The following GRIN2A variants were observed in gnomAD, a reference collection of about 807,000 sequenced individuals.
GRIN2A encodes glutamate receptor ionotropic, NMDA 2A.
A neutral mutation model predicts 113.4 loss-of-function variants in GRIN2A; 22 were observed. The ratio of observed to expected loss-of-function variants is 0.19; its 90% confidence interval spans 0.14 to 0.28. The LOEUF (loss-of-function observed/expected upper bound fraction) is 0.28. Among genes scored for constraint, GRIN2A ranks in the 10% least tolerant of loss-of-function variants. The pLI, the probability that GRIN2A is intolerant of heterozygous loss-of-function variation, is 1.00. For synonymous variants in GRIN2A, 827 were observed against 738.4 expected, an observed-to-expected ratio of 1.12 and a Z score of -1.94; for missense variants, 1,502 against 1,887.0, an observed-to-expected ratio of 0.80 and a Z score of 3.78.
intron 2 of GRIN2A, among the ~76,000 whole-genome samples, chr16:10,129,201 A>C (rs771413984): frequency 6.6e-6 from 1 of 151,982 alleles, no homozygotes; most frequent in African/African-American, 2.4e-5. Context: ...TCAGCTTCCT[A>C]TGTAGCTGGG....
chr16:10,163,830 C>T (rs2049854257), intron 2 of GRIN2A, among the ~76,000 whole-genome samples: 1 of 152,176 alleles, frequency 6.6e-6, no homozygotes, highest in Non-Finnish European at 1.5e-5. Context: ...TTTTACTGCC[C>T]CCTGCCACCT....
At chr16:9,803,406 A>G (rs1054596364) in intron 10 of GRIN2A, among the ~76,000 whole-genome samples, 14 of 149,848 alleles carry the variant, frequency 9.3e-5, no homozygotes, top group African/African-American at 3.4e-4. Flanking sequence ...CAAGAGCAAA[A>G]CTCCATCTCA....
intron 2 of GRIN2A, among the ~76,000 whole-genome samples, chr16:10,075,012 A>C (rs981151366): frequency 6.6e-6 from 1 of 152,184 alleles, no homozygotes. Context: ...CCAATGAAGG[A>C]GTTTCCATTA....
rs556554788 is a variant in GRIN2A at position 9,809,573 on chromosome 16, G to C, written c.2169-11109C>G. Among the ~76,000 whole-genome samples the C allele has an allele frequency of 2.4e-4, 36 of 151,838 alleles. 1 individual carries two copies. The East Asian group carries it at 6.8e-3, about 29-fold the overall frequency. On this transcript the variant is annotated intron_variant, in intron 10 of 12. Coordinates refer to ENST00000330684, the MANE Select transcript of GRIN2A (RefSeq NM_001134407.3). ...TTCATTTTTTTTTTTTTACAATGAG[G>C]ATACATTTTTTAATGAGAAGCAATA... is the stretch of plus-strand genomic sequence containing the variant.
chr16:10,163,054 C>T (rs971693818), intron 2 of GRIN2A, among the ~76,000 whole-genome samples: 13 of 152,200 alleles, frequency 8.5e-5, no homozygotes, highest in Non-Finnish European at 4.4e-5. Flanking sequence ...TTTTATGCTT[C>T]TGCAAATGAG....
chr16:10,155,212 G>A (rs1435046070), intron 2 of GRIN2A, among the ~76,000 whole-genome samples: 1 of 152,228 alleles, frequency 6.6e-6, no homozygotes, highest in Non-Finnish European at 1.5e-5. Flanking sequence ...GTCAGCAGGG[G>A]TCAGAAATCA....
At chr16:9,930,019 G>A (rs781685024) in intron 3 of GRIN2A, among the ~76,000 whole-genome samples, 7 of 152,136 alleles carry the variant, frequency 4.6e-5, no homozygotes, top group Non-Finnish European at 1.0e-4. Flanking sequence ...GCATTGCAGG[G>A]CTGGCATACG....
chr16:10,071,220 G>A (rs2047744091), intron 2 of GRIN2A, among the ~76,000 whole-genome samples: 1 of 152,202 alleles, frequency 6.6e-6, no homozygotes, highest in South Asian at 2.1e-4. Context: ...TATAAAGGTA[G>A]AATCATGCAG....
chr16:10,147,767 A>G (rs2049476446), intron 2 of GRIN2A, among the ~76,000 whole-genome samples: 1 of 152,116 alleles, frequency 6.6e-6, no homozygotes, highest in African/African-American at 2.4e-5. Context: ...CCCTTATGTG[A>G]CCTCGTGTCC....
chr16:10,102,214 A>G (rs1368927095), intron 2 of GRIN2A, among the ~76,000 whole-genome samples: 1 of 152,280 alleles, frequency 6.6e-6, no homozygotes, highest in East Asian at 1.9e-4. Flanking sequence ...GCGGGAGGCC[A>G]TTAGATCATG....
intron 2 of GRIN2A, 30 bp downstream of exon 2, chr16:10,179,968 T>A (rs766268713): frequency 1.9e-6 from 3 of 1,541,556 alleles, no homozygotes; most frequent in South Asian, 1.1e-5. Context: ...GCTTCCCAGG[T>A]CCTGGCAGGG....
At chr16:9,907,912 CCCTCGCTGCGTGCCCT>C (rs1399486188) in intron 3 of GRIN2A, among the ~76,000 whole-genome samples, 1 of 152,212 alleles carries the variant, frequency 6.6e-6, no homozygotes, top group Admixed American at 6.5e-5. Context: ...CATGTCTGAG[CCCTCGCTGCGTGCCCT>C]CACCCCTGCA....
intron 3 of GRIN2A, among the ~76,000 whole-genome samples, chr16:9,892,933 G>GAAAAAAAAAAAAAAAA (rs57666918): frequency 1.0e-5 from 1 of 96,588 alleles, no homozygotes; most frequent in Non-Finnish European, 2.2e-5. Flanking sequence ...GCTAAAAAGT[G>GAAAAAAAAAAAAAAAA]AAAAAAAAAA....
At chr16:9,928,250 C>T (rs534778347) in intron 3 of GRIN2A, among the ~76,000 whole-genome samples, 1 of 152,270 alleles carries the variant, frequency 6.6e-6, no homozygotes, top group East Asian at 1.9e-4. Flanking sequence ...AGGCAGAGAA[C>T]AGGTGGAGAG....
chr16:10,018,721 G>A (rs1596423847), intron 2 of GRIN2A, among the ~76,000 whole-genome samples: 1 of 152,136 alleles, frequency 6.6e-6, no homozygotes, highest in Non-Finnish European at 1.5e-5. Context: ...CACACACCGT[G>A]CACCCCAGCT....
intron 2 of GRIN2A, chr16:10,179,659 C>G (rs1410912537): frequency 2.4e-6 from 1 of 415,774 alleles, no homozygotes. Context: ...CTGGGCCCAC[C>G]TCTGTGCCCC....
In GRIN2A at chr16:9,982,193, C is replaced by A. The variant is rs2045904219; in HGVS notation, c.415-43642G>T. 1.3e-5 allele frequency among the ~76,000 whole-genome samples: 2 copies of A among 152,154 alleles called. 1 individual carries two copies. Among genetic ancestry groups the A allele is most frequent in the South Asian group, 4.1e-4 (2 of 4,824 alleles). On this transcript the variant is annotated intron_variant, in intron 2 of 12. Transcript: ENST00000330684. Reference sequence around the variant, plus strand: ...TAGTCTGGATTTTGCTGATGACATGCCCATGATGTCATCTAACAGGCTTAT... The same window carrying A: ...TAGTCTGGATTTTGCTGATGACATGACCATGATGTCATCTAACAGGCTTAT...
chr16:10,115,350 T>C (rs2048710928), intron 2 of GRIN2A, among the ~76,000 whole-genome samples: 5 of 152,152 alleles, frequency 3.3e-5, no homozygotes. Context: ...ACCATCAACA[T>C]AGTATTTGTA....
chr16:9,919,419 G>T (rs115418744), intron 3 of GRIN2A, among the ~76,000 whole-genome samples: 1,997 of 152,212 alleles, frequency 0.013, 51 homozygotes, highest in African/African-American at 0.046. Flanking sequence ...GACCAAATTA[G>T]ATAGTGTGCC....
Sources: allele counts gnomAD v4.1 joint callset (sites outside exome capture counted in the v4.1 genomes callset), GRCh38; gene constraint gnomAD v4.1.1; transcripts MANE v1.5; gene names NCBI Gene and HGNC (gene_info 2026-07-23, HGNC 2026-07-21).